Variants in CHCHD6 observed in about 807,000 individuals in gnomAD.
CHCHD6 encodes coiled-coil-helix-coiled-coil-helix domain containing 6.
Under a neutral mutation model 32.3 loss-of-function variants are expected in CHCHD6, and 28 were observed. That is an observed-to-expected ratio of 0.87 (90% confidence interval 0.64 to 1.19). CHCHD6 has a LOEUF of 1.19. Among genes scored for constraint, CHCHD6 ranks in the 50% most tolerant of loss-of-function variants. The pLI, the probability that CHCHD6 is intolerant of heterozygous loss-of-function variation, is 0.00. For synonymous variants in CHCHD6, 122 were observed against 117.5 expected, an observed-to-expected ratio of 1.04 and a Z score of -0.25; for missense variants, 333 against 307.0, an observed-to-expected ratio of 1.08 and a Z score of -0.63.
At chr3:126,737,287 C>T (rs927460564) in intron 4 of CHCHD6, among the ~76,000 whole-genome samples, 48 of 151,746 alleles carry the variant, frequency 3.2e-4, no homozygotes, top group African/African-American at 1.1e-3. Context: ...CCATTGCACT[C>T]CAGCCTGGGC....
intron 4 of CHCHD6, among the ~76,000 whole-genome samples, chr3:126,774,837 T>C (rs1332987752): frequency 2.0e-4 from 31 of 152,238 alleles, no homozygotes; most frequent in Admixed American, 2.0e-3. Flanking sequence ...TTGACTGTCT[T>C]GCTAAGCTGC....
intron 5 of CHCHD6, among the ~76,000 whole-genome samples, chr3:126,891,381 C>T (rs1040443035): frequency 6.6e-6 from 1 of 152,112 alleles, no homozygotes; most frequent in African/African-American, 2.4e-5. Flanking sequence ...TGGAAATGCA[C>T]CTGCAGGTTT....
At chr3:126,726,680 A>T (rs1315444763) in intron 1 of CHCHD6, among the ~76,000 whole-genome samples, 2 of 152,212 alleles carry the variant, frequency 1.3e-5, no homozygotes, top group Non-Finnish European at 1.5e-5. Flanking sequence ...ATACCTCCAA[A>T]GAAAGGATAT....
chr3:126,933,956 C>A (rs1187722371), intron 6 of CHCHD6, among the ~76,000 whole-genome samples: 1 of 152,234 alleles, frequency 6.6e-6, no homozygotes, highest in East Asian at 1.9e-4. Context: ...TGCACTCTCA[C>A]ACTCGCTCTG....
intron 4 of CHCHD6, among the ~76,000 whole-genome samples, chr3:126,819,310 C>T (rs1940053981): frequency 6.6e-6 from 1 of 152,198 alleles, no homozygotes; most frequent in African/African-American, 2.4e-5. Flanking sequence ...GTATGTGGGA[C>T]TTATTGCTGG....
intron 5 of CHCHD6, among the ~76,000 whole-genome samples, chr3:126,864,235 C>T (rs1241473368): frequency 1.3e-5 from 2 of 148,990 alleles, no homozygotes; most frequent in Non-Finnish European, 1.5e-5. Context: ...ATCATCATCT[C>T]CTCCTCCTCC....
chr3:126,850,713 G>A (rs1296072379), intron 4 of CHCHD6, among the ~76,000 whole-genome samples: 1 of 152,156 alleles, frequency 6.6e-6, no homozygotes, highest in Non-Finnish European at 1.5e-5. Context: ...CAGGTCCAGA[G>A]CCCTCAGAGA....
intron 5 of CHCHD6, among the ~76,000 whole-genome samples, chr3:126,874,814 A>T (rs916863226): frequency 2.0e-5 from 3 of 152,066 alleles, no homozygotes; most frequent in African/African-American, 7.2e-5. Context: ...GCTCAGAAGG[A>T]TGGTCCCCAT....
intron 4 of CHCHD6, among the ~76,000 whole-genome samples, chr3:126,787,871 G>C (rs1194620982): frequency 6.6e-6 from 1 of 152,154 alleles, no homozygotes; most frequent in Non-Finnish European, 1.5e-5. Context: ...TGTTGAATAG[G>C]AGTGGTGAGA....
At chr3:126,837,939 G>A (rs1940927664) in intron 4 of CHCHD6, among the ~76,000 whole-genome samples, 2 of 152,234 alleles carry the variant, frequency 1.3e-5, no homozygotes, top group Admixed American at 6.5e-5. Flanking sequence ...CTGGTTGCCT[G>A]AGAGGCCATC....
intron 5 of CHCHD6, among the ~76,000 whole-genome samples, chr3:126,876,701 A>G (rs1257888641): frequency 6.6e-6 from 1 of 152,234 alleles, no homozygotes; most frequent in Non-Finnish European, 1.5e-5. Context: ...CGAATGTGTG[A>G]ATGTCGCATC....
At chr3:126,908,462 T>A (rs1002634566) in intron 5 of CHCHD6, among the ~76,000 whole-genome samples, 1 of 152,234 alleles carries the variant, frequency 6.6e-6, no homozygotes, top group African/African-American at 2.4e-5. Context: ...TAGGTCCTGA[T>A]CATCTTTTCA....
chr3:126,874,420 G>A (rs78285371), intron 5 of CHCHD6, among the ~76,000 whole-genome samples: 3,100 of 152,260 alleles, frequency 0.02, 117 homozygotes, highest in African/African-American at 0.07. Flanking sequence ...GCAGGGAGAG[G>A]GCACAAGCAG....
At chr3:126,766,659 G>A (rs1379584801) in intron 4 of CHCHD6, 29 of 1,037,420 alleles carry the variant, frequency 2.8e-5, no homozygotes, top group Non-Finnish European at 3.8e-5. Flanking sequence ...GTGCTCTCTC[G>A]GTGGCCACAA....
chr3:126,957,308 A>G, intron 6 of CHCHD6, 108 bp from the exon 7 acceptor site: 2 of 1,279,544 alleles, frequency 1.6e-6, no homozygotes, highest in East Asian at 2.5e-5. Context: ...GCTGGGTGTC[A>G]GGGACTTAGC....
chr3:126,783,700 T>A (rs1938059144), intron 4 of CHCHD6, among the ~76,000 whole-genome samples: 1 of 152,114 alleles, frequency 6.6e-6, no homozygotes, highest in Non-Finnish European at 1.5e-5. Flanking sequence ...AACTTTAGGT[T>A]TTGAGATGTT....
At chr3:126,902,716 CAAAAAAAA>C (rs748684166) in intron 5 of CHCHD6, among the ~76,000 whole-genome samples, 6 of 95,618 alleles carry the variant, frequency 6.3e-5, no homozygotes. Context: ...GACTCCATCT[CAAAAAAAA>C]AAAAAAAAAA....
chr3:126,892,993 G>A (rs1445501815), intron 5 of CHCHD6, among the ~76,000 whole-genome samples: 4 of 151,084 alleles, frequency 2.6e-5, no homozygotes, highest in East Asian at 2.0e-4. Context: ...TTTTGAGACC[G>A]AGTCTTGCTC....
chr3:126,785,214 T>A (rs1196994894), intron 4 of CHCHD6, among the ~76,000 whole-genome samples: 1 of 152,068 alleles, frequency 6.6e-6, no homozygotes, highest in African/African-American at 2.4e-5. Context: ...TTTAGCAGAA[T>A]CCCTGGCCTC....
Sources: allele counts gnomAD v4.1 joint callset (sites outside exome capture counted in the v4.1 genomes callset), GRCh38; gene constraint gnomAD v4.1.1; transcripts MANE v1.5; gene names NCBI Gene and HGNC (gene_info 2026-07-23, HGNC 2026-07-21).